MKLN1: variants seen among roughly 807,000 people sequenced by gnomAD.
MKLN1 encodes muskelin 1.
MKLN1 carries 18 observed loss-of-function variants against 99.0 expected under a neutral mutation model. That is an observed-to-expected ratio of 0.18 (90% confidence interval 0.13 to 0.27). The LOEUF (loss-of-function observed/expected upper bound fraction) is 0.27. Among genes scored for constraint, MKLN1 ranks in the 10% least tolerant of loss-of-function variants. The pLI is 1.00. For missense variants in MKLN1, 621 were observed against 875.9 expected, an observed-to-expected ratio of 0.71 and a Z score of 3.67; for synonymous variants, 288 against 293.2, an observed-to-expected ratio of 0.98 and a Z score of 0.18.
At chr7:131,121,610 G>C (rs1234842320) in intron 1 of MKLN1, among the ~76,000 whole-genome samples, 4 of 121,744 alleles carry the variant, frequency 3.3e-5, no homozygotes, top group Non-Finnish European at 1.6e-5. Flanking sequence ...CTGCACTCCA[G>C]CCTGAGTGAC....
At chr7:131,143,312 C>G (rs530412473) in intron 2 of MKLN1, among the ~76,000 whole-genome samples, 9 of 152,016 alleles carry the variant, frequency 5.9e-5, no homozygotes, top group South Asian at 2.1e-4. Context: ...ACTAAAAATA[C>G]AAAAAATTGC....
intron 3 of MKLN1, among the ~76,000 whole-genome samples, chr7:131,287,792 T>C (rs941763519): frequency 1.3e-5 from 2 of 151,900 alleles, no homozygotes; most frequent in Non-Finnish European, 2.9e-5. Flanking sequence ...CAGTGGGAGG[T>C]GATTGGATCA....
intron 1 of MKLN1, among the ~76,000 whole-genome samples, chr7:131,141,564 TCTAAA>T (rs1360011226): frequency 8.5e-5 from 13 of 152,220 alleles, no homozygotes; most frequent in Non-Finnish European, 1.5e-5. Context: ...TCTGAGACTC[TCTAAA>T]CTACTTTTAG....
intron 3 of MKLN1, among the ~76,000 whole-genome samples, chr7:131,258,722 TC>T (rs1310633407): frequency 6.6e-6 from 1 of 152,222 alleles, no homozygotes; most frequent in East Asian, 1.9e-4. Flanking sequence ...GGTTATATTT[TC>T]CCCTTCTTTC....
At chr7:131,161,652 G>C (rs1238274380) in intron 2 of MKLN1, among the ~76,000 whole-genome samples, 8 of 151,804 alleles carry the variant, frequency 5.3e-5, no homozygotes, top group Non-Finnish European at 7.4e-5. Flanking sequence ...TCCGGGTTCA[G>C]GCCATTCTCC....
intron 3 of MKLN1, among the ~76,000 whole-genome samples, chr7:131,253,798 A>T (rs1206029779): frequency 1.3e-5 from 2 of 152,226 alleles, no homozygotes; most frequent in Non-Finnish European, 2.9e-5. Context: ...GAGTTCTTAT[A>T]AACAACGGAG....
chr7:131,343,907 CTT>C (rs1299598844), intron 1 of MKLN1, among the ~76,000 whole-genome samples: 2 of 152,002 alleles, frequency 1.3e-5, no homozygotes, highest in African/African-American at 4.8e-5. Flanking sequence ...ATGAGACAGT[CTT>C]TTGATATATC....
intron 12 of MKLN1, among the ~76,000 whole-genome samples, chr7:131,462,981 G>A (rs1796559677): frequency 6.6e-6 from 1 of 152,092 alleles, no homozygotes; most frequent in Admixed American, 6.6e-5. Flanking sequence ...AATTAGCTGA[G>A]TGTGGTGGTG....
chr7:131,327,793 C>A, upstream of MKLN1: 4 of 1,450,904 alleles, frequency 2.8e-6, no homozygotes, highest in Non-Finnish European at 3.6e-6. Context: ...GGGCGGGGAG[C>A]GCGGGCGGCC....
Position 131,117,246 on chromosome 7 carries a change from A to G in MKLN1, c.-419+7039A>G, listed in dbSNP as rs1224411666. ...GGAGATCGAGACCATCCTGGCCAAC[A>G]TGGTGAAACCTCGTCTCTACTAAAA... On this transcript the variant is annotated intron_variant, in intron 1 of 7. Coordinates refer to the MKLN1 transcript ENST00000416992. Among the ~76,000 whole-genome samples, 3 of 152,144 alleles carry G rather than the reference A, an allele frequency of 2.0e-5. No homozygotes were observed. The East Asian group carries it at 5.8e-4, about 29-fold the overall frequency.
chr7:131,492,734 CA>C lies in MKLN1; in HGVS notation c.*5025del, dbSNP rs3079482. The C allele has an allele frequency of 0.34, 39,109 of 116,590 alleles. 5,486 individuals are homozygous for C. Among genetic ancestry groups the C allele is most frequent in the Middle Eastern group, 0.45 (100 of 224 alleles). 7.2% of individuals were successfully genotyped at this position (116,590 alleles called of 1,614,324 possible). On this transcript the variant is annotated 3_prime_UTR_variant, in exon 18 of 18. Transcript: ENST00000352689. Reference sequence around the variant, plus strand: ...TGGGCAACAGAGCAAGACCCTGTCTCAAAAAAAAAAAAAAAAAAAGAATGTG... The same window carrying C: ...TGGGCAACAGAGCAAGACCCTGTCTCAAAAAAAAAAAAAAAAAAGAATGTG...
chr7:131,175,832 G>A (rs1384128568), intron 2 of MKLN1, among the ~76,000 whole-genome samples: 1 of 152,122 alleles, frequency 6.6e-6, no homozygotes, highest in Non-Finnish European at 1.5e-5. Context: ...CCCGGGAGGT[G>A]GAGGTTGCGG....
chr7:131,166,377 C>A (rs1796124829), intron 2 of MKLN1, among the ~76,000 whole-genome samples: 1 of 152,122 alleles, frequency 6.6e-6, no homozygotes, highest in Non-Finnish European at 1.5e-5. Flanking sequence ...AAACACAGGC[C>A]AATTCCCAAA....
chr7:131,472,872 C>T (rs544244836), intron 16 of MKLN1, among the ~76,000 whole-genome samples: 3 of 150,456 alleles, frequency 2.0e-5, no homozygotes, highest in South Asian at 4.2e-4. Flanking sequence ...TGCATGAACC[C>T]GGGATGCGGA....
intron 12 of MKLN1, among the ~76,000 whole-genome samples, chr7:131,458,562 G>A (rs1294069224): frequency 2.6e-5 from 4 of 152,050 alleles, no homozygotes; most frequent in Non-Finnish European, 5.9e-5. Context: ...TCATATACAA[G>A]GCTCAAGAGT....
chr7:131,383,795 ATG>A (rs958685826), intron 2 of MKLN1, among the ~76,000 whole-genome samples: 2 of 152,132 alleles, frequency 1.3e-5, no homozygotes, highest in South Asian at 2.1e-4. Context: ...TTTCTCCAAA[ATG>A]TGTGTCAAAA....
At chr7:131,358,493 T>G (rs1035884710) in intron 1 of MKLN1, among the ~76,000 whole-genome samples, 2 of 152,190 alleles carry the variant, frequency 1.3e-5, no homozygotes, top group Non-Finnish European at 2.9e-5. Context: ...GGAGGTTTTC[T>G]TTTAGTGATG....
chr7:131,259,492 T>C (rs1363234814), intron 3 of MKLN1, among the ~76,000 whole-genome samples: 3 of 152,210 alleles, frequency 2.0e-5, no homozygotes, highest in Non-Finnish European at 4.4e-5. Context: ...TCTGTAGATA[T>C]GTATACTTAT....
At chr7:131,247,872 T>TTTTGTTTTGTTTTGTTTTGTTTTG (rs1797516059) in intron 3 of MKLN1, among the ~76,000 whole-genome samples, 4 of 151,534 alleles carry the variant, frequency 2.6e-5, no homozygotes, top group African/African-American at 9.7e-5. Flanking sequence ...GCTACTGCCT[T>TTTTGTTTTGTTTTGTTTTGTTTTG]TTTTGTTTTG....
Sources: gnomAD v4.1 joint callset for allele counts (sites outside exome capture counted in the v4.1 genomes callset) on GRCh38, gnomAD v4.1.1 for gene constraint, MANE v1.5 for transcripts, NCBI Gene and HGNC (gene_info 2026-07-23, HGNC 2026-07-21) for gene names.